The following DPY19L1 variants were observed in gnomAD, a reference collection of about 807,000 sequenced individuals.
DPY19L1 encodes the protein protein C-mannosyl-transferase DPY19L1.
In DPY19L1, 35 loss-of-function variants were observed where a neutral mutation model predicts 96.9. The observed-to-expected ratio is 0.36, with a 90% CI of 0.28 to 0.48. The LOEUF is 0.48. DPY19L1 is among the 20% of genes least tolerant of loss of function. The pLI is 0.99. For synonymous variants in DPY19L1, 205 were observed against 252.6 expected (o/e 0.81, Z 1.79); for missense variants, 521 against 777.9 (o/e 0.67, Z 3.93).
At chr7:35,011,977 C>T (rs1011974398) in intron 4 of DPY19L1, among the ~76,000 whole-genome samples, 2 of 152,192 alleles carry the variant, frequency 1.3e-5, no homozygotes, top group Non-Finnish European at 1.5e-5. Context: ...AGATCAATAA[C>T]CATGGTACAA....
At chr7:34,933,160 A>C (rs1221447358) in intron 21 of DPY19L1, among the ~76,000 whole-genome samples, 2 of 152,156 alleles carry the variant, frequency 1.3e-5, no homozygotes, top group African/African-American at 4.8e-5. Context: ...AAATTATTTC[A>C]ATAGCTTTTG....
chr7:35,023,055 AG>A (rs1344775566), intron 1 of DPY19L1, among the ~76,000 whole-genome samples: 11 of 152,096 alleles, frequency 7.2e-5, no homozygotes, highest in African/African-American at 2.7e-4. Context: ...GTCCTGGGCA[AG>A]TGGGGAGGGG....
chr7:34,956,551 T>G (rs1022252262), intron 11 of DPY19L1, among the ~76,000 whole-genome samples: 5 of 151,162 alleles, frequency 3.3e-5, no homozygotes, highest in Admixed American at 2.6e-4. Flanking sequence ...CTGTTGCCCA[T>G]GCTGGAGTGT....
intron 21 of DPY19L1, among the ~76,000 whole-genome samples, chr7:34,937,095 G>A (rs1783884560): frequency 6.6e-6 from 1 of 152,210 alleles, no homozygotes; most frequent in African/African-American, 2.4e-5. Context: ...CTGGTGTCCA[G>A]TCACTTACGT....
intron 7 of DPY19L1, among the ~76,000 whole-genome samples, chr7:34,984,517 G>A (rs1220059856): frequency 6.6e-6 from 1 of 152,206 alleles, no homozygotes; most frequent in African/African-American, 2.4e-5. Context: ...CATAACAGAT[G>A]TTGTAGGCTA....
chr7:34,964,387 A>G (rs1454908388), intron 10 of DPY19L1, among the ~76,000 whole-genome samples: 1 of 152,162 alleles, frequency 6.6e-6, no homozygotes, highest in Non-Finnish European at 1.5e-5. Flanking sequence ...TCTGATTTAT[A>G]CTACAAAATA....
At chr7:35,025,028 T>C (rs1205333149) in intron 1 of DPY19L1, among the ~76,000 whole-genome samples, 1 of 152,230 alleles carries the variant, frequency 6.6e-6, no homozygotes, top group Non-Finnish European at 1.5e-5. Flanking sequence ...TCCAAATTAT[T>C]TGAAGCATTC....
At chr7:35,003,036 C>T (rs1386481717) in intron 6 of DPY19L1, among the ~76,000 whole-genome samples, 3 of 152,184 alleles carry the variant, frequency 2.0e-5, no homozygotes, top group African/African-American at 4.8e-5. Context: ...TCCCAAAATG[C>T]TGGGATTACA....
At chr7:34,937,137 C>A (rs1783885238) in intron 21 of DPY19L1, among the ~76,000 whole-genome samples, 1 of 152,228 alleles carries the variant, frequency 6.6e-6, no homozygotes, top group African/African-American at 2.4e-5. Flanking sequence ...AGATTCACAT[C>A]TGCTTTGAAG....
chr7:35,031,178 C>A (rs1786251070), intron 1 of DPY19L1, among the ~76,000 whole-genome samples: 1 of 152,170 alleles, frequency 6.6e-6, no homozygotes, highest in Admixed American at 6.5e-5. Flanking sequence ...TCTGTCAGTT[C>A]CACATCTGCA....
chr7:34,975,504 A>C (rs1784812528), intron 7 of DPY19L1, among the ~76,000 whole-genome samples: 1 of 152,234 alleles, frequency 6.6e-6, no homozygotes, highest in Non-Finnish European at 1.5e-5. Context: ...CCGTAAGATA[A>C]AAGTACAAGG....
intron 6 of DPY19L1, among the ~76,000 whole-genome samples, chr7:35,005,964 T>C (rs796879416): frequency 1.9e-4 from 29 of 152,220 alleles, no homozygotes; most frequent in African/African-American, 7.0e-4. Context: ...ATCTAATACC[T>C]ACAAAGGAAT....
chr7:34,945,436 C>T (rs1019569173), intron 16 of DPY19L1, among the ~76,000 whole-genome samples: 1 of 151,872 alleles, frequency 6.6e-6, no homozygotes, highest in Non-Finnish European at 1.5e-5. Context: ...AGATTATGTG[C>T]AGGGCTACTG....
At chr7:35,037,820 C>T (rs1283607802), upstream of DPY19L1, 16 of 1,227,914 alleles carry the variant, frequency 1.3e-5, no homozygotes, top group Admixed American at 3.4e-4. Context: ...ACCCACACCT[C>T]TTCGGCGCCC....
chr7:35,012,556 C>G (rs1785738034), intron 4 of DPY19L1, among the ~76,000 whole-genome samples: 1 of 152,152 alleles, frequency 6.6e-6, no homozygotes, highest in Admixed American at 6.5e-5. Flanking sequence ...TTAGGTTACA[C>G]ACAATACATT....
At chr7:35,006,514 C>T (rs1446393323) in intron 6 of DPY19L1, among the ~76,000 whole-genome samples, 5 of 152,196 alleles carry the variant, frequency 3.3e-5, no homozygotes, top group South Asian at 2.1e-4. Flanking sequence ...TTTCCACACA[C>T]TGGGTCTTAA....
intron 10 of DPY19L1, among the ~76,000 whole-genome samples, chr7:34,959,914 T>TATATATTTATATATATATATATAA (rs1562806903): frequency 2.1e-3 from 22 of 10,554 alleles, no homozygotes; most frequent in African/African-American, 6.9e-3. Flanking sequence ...TATATATATA[T>TATATATTTATATATATATATATAA]ATATATATAT....
intron 7 of DPY19L1, among the ~76,000 whole-genome samples, chr7:34,987,489 T>G (rs1185821586): frequency 6.6e-6 from 1 of 152,058 alleles, no homozygotes; most frequent in Non-Finnish European, 1.5e-5. Context: ...AAAGAAAATT[T>G]TAAAAAAGTA....
At chr7:34,932,399 G>A (rs1256371478) in intron 21 of DPY19L1, among the ~76,000 whole-genome samples, 1 of 152,148 alleles carries the variant, frequency 6.6e-6, no homozygotes, top group Non-Finnish European at 1.5e-5. Context: ...AAATACAAAT[G>A]CTATTTTACA....
Sources: gnomAD v4.1 joint callset for allele counts (sites outside exome capture counted in the v4.1 genomes callset) on GRCh38, gnomAD v4.1.1 for gene constraint, MANE v1.5 for transcripts, NCBI Gene and HGNC (gene_info 2026-07-23, HGNC 2026-07-21) for gene names.